Variants in ARHGAP27 observed in about 807,000 individuals in gnomAD.
The protein encoded by ARHGAP27 is Rho GTPase activating protein 27.
In ARHGAP27, 53 loss-of-function variants were observed where a neutral mutation model predicts 102.0. The ratio of observed to expected loss-of-function variants is 0.52; its 90% CI spans 0.42 to 0.65. ARHGAP27 has a LOEUF of 0.65. Ranked by LOEUF, ARHGAP27 falls within the 30% of genes least tolerant of loss-of-function variation. The probability of loss-of-function intolerance (pLI) is 0.00; values close to 1 mark genes in which losing one functional copy is unlikely to be tolerated. For synonymous variants in ARHGAP27, 525 were observed against 542.8 expected (o/e 0.97, Z 0.46); for missense variants, 1,117 against 1,256.2 (o/e 0.89, Z 1.68).
At chr17:45,409,305 C>T (rs1351628746) in intron 4 of ARHGAP27, 5 of 152,256 alleles carry the variant, frequency 3.3e-5, no homozygotes, top group African/African-American at 9.7e-5. Flanking sequence ...TCTGGGTCCA[C>T]GAGGAGTCCC....
In ARHGAP27 at chr17:45,430,390, T is replaced by A; in HGVS notation, c.-18-93A>T. The stretch of plus-strand genomic sequence containing the variant: ...GGACAGACTTGGGTTCGAGTCCCGA[T>A]CCTGCACTCGCCGTTCGCCTTCGGG... On this transcript the variant is annotated intron_variant, in intron 3 of 19. Transcript: ENST00000685559. This position sits in a 1 kb window ranked among gnomAD's most constrained non-coding sequence, Gnocchi z 4.4. The A allele has an allele frequency of 5.5e-6, 8 of 1,461,214 alleles. No individual in the cohort carries two copies. The highest frequency in any genetic ancestry group is 7.2e-6 in the Non-Finnish European group (8 of 1,115,724). The allele number at this position is 1,461,214 out of a possible 1,614,324, so 90.5% of individuals were successfully genotyped here.
At position 45,395,323 on chromosome 17, in the gene ARHGAP27, G is replaced by A; in HGVS notation, c.*133C>T. On this transcript the variant is annotated 3_prime_UTR_variant, in exon 20 of 20. Transcript: ENST00000685559. ...GGTCACCGTACCCTCAGAACCGAGG[G>A]TGCAGAAGTCACACCGGCCTGCGGC... 1 of 1,179,444 alleles carries A rather than the reference G, an allele frequency of 8.5e-7. No individual in the cohort carries two copies. The highest frequency in any genetic ancestry group is 1.2e-6 in the Non-Finnish European group (1 of 861,422). The allele number at this position is 1,179,444 out of a possible 1,614,324, so 73.1% of individuals were successfully genotyped here. A position where few individuals can be genotyped will look rare whatever the true frequency, so the allele number is the denominator to read the frequency against.
intron 9 of ARHGAP27, 28 bp from the exon 10 acceptor site, chr17:45,404,124 A>G (rs1318905084): frequency 6.2e-7 from 1 of 1,613,672 alleles, no homozygotes; most frequent in Non-Finnish European, 8.5e-7. Context: ...GAGCAGGCGC[A>G]AGAGTGTGTA....
Position 45,429,352 on chromosome 17 carries a change from T to G in ARHGAP27, c.657+271A>C, listed in dbSNP as rs1032361342. On this transcript the variant is annotated intron_variant, in intron 4 of 19. Coordinates refer to ENST00000685559, the MANE Select transcript of ARHGAP27 (RefSeq NM_001282290.2). Reference sequence around the variant, plus strand: ...AATAAAGACCATCAGCAGCCTCACATCAGTTCAAGCGCAATTTTGCCACCA... The same window carrying G: ...AATAAAGACCATCAGCAGCCTCACAGCAGTTCAAGCGCAATTTTGCCACCA... 2.5e-6 allele frequency: 3 copies of G among 1,198,320 alleles called. No individual in the cohort carries two copies. The Admixed American group carries it at 1.2e-4, about 46-fold the overall frequency. 74.2% of individuals were successfully genotyped at this position (1,198,320 alleles called of 1,614,324 possible). A position where few individuals can be genotyped will look rare whatever the true frequency, so the allele number is the denominator to read the frequency against.
intron 10 of ARHGAP27, 27 bp downstream of exon 10, chr17:45,404,002 C>G: frequency 6.2e-7 from 1 of 1,612,982 alleles, no homozygotes; most frequent in Non-Finnish European, 8.5e-7. Context: ...CCACCCTGCC[C>G]CGGCCTGAGT....
In ARHGAP27 at chr17:45,430,056, G is replaced by C; in HGVS notation, c.224C>G (p.Ala75Gly). 7.8e-7 allele frequency: 1 copy of C among 1,280,646 alleles called. No individual in the cohort carries two copies. The highest frequency in any genetic ancestry group is 9.8e-7 in the Non-Finnish European group (1 of 1,017,146). 79.3% of individuals were successfully genotyped at this position (1,280,646 alleles called of 1,614,324 possible). Residue 75 changes from alanine to glycine, a missense_variant, in exon 4 of 20, where the codon GCC becomes GGC. Ala to Gly is a moderately conservative substitution (Grantham distance 60). Transcript: ENST00000685559. The surrounding 1 kb of genome is among the most constrained non-coding windows in gnomAD (Gnocchi z 4.4). The stretch of plus-strand genomic sequence containing the variant: ...CGGGTGGGGACCTGGCGGCGCGGCG[G>C]CGGCAGGGTTGCCCAGCGCGGGCAG... ...RELPALGNPA[A>G]AAPPGPHPSP...
chr17:45,404,074 C>T lies in ARHGAP27; in HGVS notation c.1502G>A (p.Gly501Glu). The change falls in exon 10 of 20, where the codon GGG becomes GAG. Residue 501 changes from glycine to glutamate, a missense_variant. Coordinates refer to ENST00000685559, the MANE Select transcript of ARHGAP27 (RefSeq NM_001282290.2). Reference sequence around the variant, plus strand: ...TGCCGTCTTGGTGCGATGGAGCACCCCTGCCTTGTCCAAGGTCTTGGTCTA... The same window carrying T: ...TGCCGTCTTGGTGCGATGGAGCACCTCTGCCTTGTCCAAGGTCTTGGTCTA... ...AVRTKTLDKA[G>E]VLHRTKTADK... The T allele has an allele frequency of 6.2e-7, 1 of 1,614,142 alleles. No homozygotes were observed. The highest frequency in any genetic ancestry group is 2.2e-5 in the East Asian group (1 of 44,888).
Position 45,430,338 on chromosome 17 carries a change from C to T in ARHGAP27, c.-18-41G>A, listed in dbSNP as rs2049966724. Reference sequence around the variant, plus strand: ...AGGAGGGCCGCGGAGGTCAAGACCACCGAGCCTGGAATAGCCCCGCACTCG... The same window carrying T: ...AGGAGGGCCGCGGAGGTCAAGACCATCGAGCCTGGAATAGCCCCGCACTCG... On this transcript the variant is annotated intron_variant, in intron 3 of 19. Coordinates refer to ENST00000685559, the MANE Select transcript of ARHGAP27 (RefSeq NM_001282290.2). This position sits in a 1 kb window ranked among gnomAD's most constrained non-coding sequence, Gnocchi z 4.4. The T allele has an allele frequency of 2.6e-6, 4 of 1,511,378 alleles. No homozygotes were observed. Among genetic ancestry groups the T allele is most frequent in the Non-Finnish European group, 3.5e-6 (4 of 1,138,414 alleles). The allele number at this position is 1,511,378 out of a possible 1,614,324, so 93.6% of individuals were successfully genotyped here.
At position 45,397,014 on chromosome 17, in the gene ARHGAP27, A is replaced by G; in HGVS notation, c.1853T>C (p.Leu618Pro). Residue 618 changes from leucine to proline, a missense_variant, in exon 14 of 20, where the codon CTG becomes CCG. Physicochemically the swap from Leu to Pro is moderately conservative, Grantham distance 98. Transcript: ENST00000685559. ...AQGIQELSAE[L>P]PPEESESSRV... is the part of the protein sequence containing the mutation. ...GCTGCTCTCGCTCTCCTCTGGGGGC[A>G]GCTCTGCGGACTGGATTCCCATAGC... 2 of 1,603,350 alleles carry G rather than the reference A, an allele frequency of 1.2e-6. No individual in the cohort carries two copies. The highest frequency in any genetic ancestry group is 1.1e-5 in the South Asian group (1 of 91,088).
Position 45,404,338 on chromosome 17 carries a change from T to C in ARHGAP27, c.1414-4A>G. ...CCTCATCCAGCTCTGCTGGGACCTA[T>C]GGGGGAAGACAGATAGATCCCACCA... is the stretch of plus-strand genomic sequence containing the variant. On this transcript the variant is annotated splice_polypyrimidine_tract_variant and splice_region_variant and intron_variant, in intron 8 of 19. Coordinates refer to ENST00000685559, the MANE Select transcript of ARHGAP27 (RefSeq NM_001282290.2). 8.1e-6 allele frequency: 13 copies of C among 1,613,946 alleles called. No homozygotes were observed. Among genetic ancestry groups the C allele is most frequent in the Non-Finnish European group, 9.3e-6 (11 of 1,179,922 alleles).
chr17:45,396,221 T>TA lies in ARHGAP27; in HGVS notation c.2236dup (p.Tyr746LeufsTer2). ...ACGGGCCTCACCGTGGTCCACCTTA[T>TA]AGCGTAGCTTCTGGATGGTGGCCAG... On this transcript the variant is annotated frameshift_variant, in exon 17 of 20. Coordinates refer to ENST00000685559, the MANE Select transcript of ARHGAP27 (RefSeq NM_001282290.2). LOFTEE classifies it high-confidence loss of function. 1 of 1,613,196 alleles carries TA rather than the reference T, an allele frequency of 6.2e-7. No homozygotes were observed. The highest frequency in any genetic ancestry group is 1.3e-5 in the African/African-American group (1 of 75,034).
chr17:45,404,882 G>A (rs1046306172), intron 6 of ARHGAP27, 42 bp downstream of exon 6: 2 of 1,613,668 alleles, frequency 1.2e-6, no homozygotes, highest in Admixed American at 1.7e-5. Flanking sequence ...GTTGTGGGGA[G>A]GACTCTGAGG....
At position 45,404,340 on chromosome 17, in the gene ARHGAP27, G is replaced by C. The variant is rs369180885; in HGVS notation, c.1414-6C>G. 1 of 1,613,940 alleles carries C rather than the reference G, an allele frequency of 6.2e-7. No individual in the cohort carries two copies. The highest frequency in any genetic ancestry group is 1.1e-5 in the South Asian group (1 of 91,080). ...TCATCCAGCTCTGCTGGGACCTATG[G>C]GGGAAGACAGATAGATCCCACCAAG... On this transcript the variant is annotated splice_polypyrimidine_tract_variant and splice_region_variant and intron_variant, in intron 8 of 19. Transcript: ENST00000685559.
chr17:45,420,343 G>A (rs1026095490), intron 4 of ARHGAP27, among the ~76,000 whole-genome samples: 1 of 152,018 alleles, frequency 6.6e-6, no homozygotes, highest in Non-Finnish European at 1.5e-5. Context: ...CACATAGGAC[G>A]GTGTTGCTTG....
rs764699410 is a variant in ARHGAP27 at position 45,405,804 on chromosome 17, TCTC to T, written c.934_936del (p.Glu312del). The T allele has an allele frequency of 6.5e-7, 1 of 1,543,234 alleles. No individual in the cohort carries two copies. The highest frequency in any genetic ancestry group is 8.7e-7 in the Non-Finnish European group (1 of 1,150,280). On this transcript the variant is annotated inframe_deletion, in exon 5 of 20. Transcript: ENST00000685559. ...GGGTTGTAGAAGAACACCCTGCGGC[TCTC>T]CTCATCCCAGTACTGGCCCCACTCG...
intron 13 of ARHGAP27, chr17:45,397,353 A>C (rs929419564): frequency 1.0e-5 from 12 of 1,176,758 alleles, no homozygotes; most frequent in Non-Finnish European, 1.3e-5. Context: ...ATTCCTCAAT[A>C]CGTGGCTCCC....
intron 4 of ARHGAP27, among the ~76,000 whole-genome samples, chr17:45,421,871 A>T (rs1157480965): frequency 6.6e-6 from 1 of 152,232 alleles, no homozygotes; most frequent in African/African-American, 2.4e-5. Flanking sequence ...TTGGGTTTAA[A>T]AATACAGTGA....
At position 45,430,865 on chromosome 17, in the gene ARHGAP27, A is replaced by G. The variant is rs962613092; in HGVS notation, c.-18-568T>C. On this transcript the variant is annotated intron_variant, in intron 3 of 19. Transcript: ENST00000685559. This position sits in a 1 kb window ranked among gnomAD's most constrained non-coding sequence, Gnocchi z 4.4. ...GGGCTCTGTAGGGGGCCGAGCGAAC[A>G]GCTCTACCTGGGGGCTGTCGCTGCC... is the stretch of plus-strand genomic sequence containing the variant. 2.0e-5 allele frequency among the ~76,000 whole-genome samples: 3 copies of G among 152,088 alleles called. No homozygotes were observed. Among genetic ancestry groups the G allele is most frequent in the Non-Finnish European group, 2.9e-5 (2 of 67,994 alleles).
At chr17:45,396,391 A>G (rs1200504917) in intron 16 of ARHGAP27, 96 bp downstream of exon 16, 13 of 1,466,208 alleles carry the variant, frequency 8.9e-6, no homozygotes, top group Admixed American at 2.3e-5. Context: ...TTCCCCCTGG[A>G]CCCTGCGTCC....
Sources: gnomAD v4.1 joint callset for allele counts (sites outside exome capture counted in the v4.1 genomes callset) on GRCh38, gnomAD v4.1.1 for gene constraint, Gnocchi (gnomAD v3.1) non-coding constraint, MANE v1.5 for transcripts, NCBI Gene and HGNC (gene_info 2026-07-23, HGNC 2026-07-21) for gene names.